Variants in CDKAL1 observed in about 807,000 individuals in gnomAD.
CDKAL1 encodes the protein CDKAL1 threonylcarbamoyladenosine tRNA methylthiotransferase, also known as threonylcarbamoyladenosine tRNA methylthiotransferase.
A neutral mutation model predicts 68.2 loss-of-function variants in CDKAL1; 32 were observed. The ratio of observed to expected loss-of-function variants is 0.47; its 90% CI spans 0.35 to 0.63. The LOEUF (loss-of-function observed/expected upper bound fraction) is 0.63, where lower values mean the gene tolerates loss of function less well. Ranked by LOEUF, CDKAL1 falls within the 30% of genes least tolerant of loss-of-function variation. CDKAL1 has a pLI of 0.00. For missense variants in CDKAL1, 606 were observed against 696.7 expected, an observed-to-expected ratio of 0.87 and a Z score of 1.47; for synonymous variants, 234 against 244.3, an observed-to-expected ratio of 0.96 and a Z score of 0.39.
At chr6:21,017,637 C>T (rs778065571) in intron 11 of CDKAL1, among the ~76,000 whole-genome samples, 1 of 152,230 alleles carries the variant, frequency 6.6e-6, no homozygotes, top group South Asian at 2.1e-4. Context: ...ACTCAAAATA[C>T]GTATTGCCTT....
At chr6:20,559,510 T>G (rs1431401225) in intron 4 of CDKAL1, 2 of 152,202 alleles carry the variant, frequency 1.3e-5, no homozygotes, top group Non-Finnish European at 2.9e-5. Context: ...TTGTTGTCTT[T>G]CTTGTGAACT....
intron 6 of CDKAL1, among the ~76,000 whole-genome samples, chr6:20,743,222 T>A (rs1221134313): frequency 1.3e-5 from 2 of 152,170 alleles, no homozygotes; most frequent in African/African-American, 4.8e-5. Context: ...ATTTCTATGA[T>A]GGGAGGATGT....
At chr6:20,868,719 C>T (rs1760036172) in intron 9 of CDKAL1, among the ~76,000 whole-genome samples, 1 of 152,186 alleles carries the variant, frequency 6.6e-6, no homozygotes, top group Non-Finnish European at 1.5e-5. Context: ...GGCATGATGT[C>T]ATCCTTATCA....
At chr6:20,601,770 C>T (rs534978646) in intron 4 of CDKAL1, among the ~76,000 whole-genome samples, 38 of 152,210 alleles carry the variant, frequency 2.5e-4, no homozygotes, top group African/African-American at 7.5e-4. Context: ...AACCGAGGCC[C>T]GCAGAGATTG....
chr6:20,658,139 AG>A lies in CDKAL1; in HGVS notation c.371+8764del, dbSNP rs553818628. Among the ~76,000 whole-genome samples the A allele has an allele frequency of 1.4e-3, 208 of 152,338 alleles. 1 individual carries two copies. The highest frequency in any genetic ancestry group is 3.4e-3 in the Middle Eastern group (1 of 294). On this transcript the variant is annotated intron_variant, in intron 5 of 15. Transcript: ENST00000274695. ...GTGGGATCTTTTCCATGCCACCTACAGGAGGTCATTCAGAGGCTGGTGAAAA... is the reference window on the plus strand; with the variant it reads ...GTGGGATCTTTTCCATGCCACCTACAGAGGTCATTCAGAGGCTGGTGAAAA...
intron 11 of CDKAL1, among the ~76,000 whole-genome samples, chr6:21,017,638 G>A (rs34894804): frequency 0.096 from 14,582 of 152,132 alleles, 970 homozygotes; most frequent in Non-Finnish European, 0.14. Context: ...CTCAAAATAC[G>A]TATTGCCTTC....
chr6:21,103,560 C>T (rs1773695822), intron 12 of CDKAL1, among the ~76,000 whole-genome samples: 1 of 152,006 alleles, frequency 6.6e-6, no homozygotes, highest in South Asian at 2.1e-4. Flanking sequence ...GAAGTTTTAC[C>T]AAACATGCAT....
Position 20,728,874 on chromosome 6 carries a change from T to A in CDKAL1, c.372-10645T>A, listed in dbSNP as rs114441831. Among the ~76,000 whole-genome samples the A allele has an allele frequency of 4.2e-3, 636 of 152,336 alleles. 9 individuals carry two copies. Among genetic ancestry groups the A allele is most frequent in the African/African-American group, 0.015 (605 of 41,576 alleles). ...TTTTCTTTTCTTTTCTTTCTTTTTT[T>A]ATTTTTTTTGACCAAAAATGATTTG... On this transcript the variant is annotated intron_variant, in intron 5 of 15. Coordinates refer to ENST00000274695, the MANE Select transcript of CDKAL1 (RefSeq NM_017774.3).
intron 11 of CDKAL1, among the ~76,000 whole-genome samples, chr6:21,006,651 T>C (rs1000328374): frequency 8.5e-5 from 13 of 152,344 alleles, no homozygotes; most frequent in African/African-American, 3.1e-4. Flanking sequence ...TTTACTTTTT[T>C]TTCCTTCTCC....
At position 20,609,260 on chromosome 6, in the gene CDKAL1, C is replaced by CTTCTTCCTCCTTCCTT. The variant is rs1554162603; in HGVS notation, c.287-40033_287-40032insTTCTTCCTCCTTCCTT. ...TCTTCCTTCCTTCTTCTTCCTCCTTCCTTCCTCCTCCTTCTCCTCCTTCTC... is the reference window on the plus strand; with the variant it reads ...TCTTCCTTCCTTCTTCTTCCTCCTTCTTCTTCCTCCTTCCTTCTTCCTCCTCCTTCTCCTCCTTCTC... On this transcript the variant is annotated intron_variant, in intron 4 of 15. Coordinates refer to ENST00000274695, the MANE Select transcript of CDKAL1 (RefSeq NM_017774.3). Among the ~76,000 whole-genome samples, 936 of 120,592 alleles carry CTTCTTCCTCCTTCCTT rather than the reference C, an allele frequency of 7.8e-3. 14 individuals are homozygous for CTTCTTCCTCCTTCCTT. The highest frequency in any genetic ancestry group is 0.023 in the African/African-American group (850 of 36,532). The allele number at this position is 120,592 out of a possible 152,430, so 79.1% of individuals were successfully genotyped here. A position where few individuals can be genotyped will look rare whatever the true frequency, so the allele number is the denominator to read the frequency against.
At chr6:20,913,138 C>CAT (rs1469945513) in intron 9 of CDKAL1, among the ~76,000 whole-genome samples, 5 of 149,692 alleles carry the variant, frequency 3.3e-5, no homozygotes, top group Non-Finnish European at 5.9e-5. Flanking sequence ...CACACACACA[C>CAT]ACACACACAC....
intron 5 of CDKAL1, among the ~76,000 whole-genome samples, chr6:20,685,758 T>C (rs1271435197): frequency 2.0e-5 from 3 of 152,198 alleles, no homozygotes; most frequent in African/African-American, 4.8e-5. Flanking sequence ...TGCTAGTTCT[T>C]AAAACGTTTT....
At chr6:21,075,441 G>C (rs1358386661) in intron 12 of CDKAL1, among the ~76,000 whole-genome samples, 1 of 151,900 alleles carries the variant, frequency 6.6e-6, no homozygotes, top group East Asian at 1.9e-4. Context: ...TTTTGTATTT[G>C]TATAGGGGGA....
chr6:21,020,460 T>TTTTATTTA (rs1284463686), intron 11 of CDKAL1, among the ~76,000 whole-genome samples: 1 of 152,094 alleles, frequency 6.6e-6, no homozygotes. Flanking sequence ...GTCTTTTTTA[T>TTTTATTTA]TTTATTTATT....
chr6:21,049,657 A>G (rs1194274618), intron 11 of CDKAL1, among the ~76,000 whole-genome samples: 3 of 152,172 alleles, frequency 2.0e-5, no homozygotes, highest in Non-Finnish European at 4.4e-5. Flanking sequence ...AGGATAAAAA[A>G]CTTATTTAAC....
intron 10 of CDKAL1, among the ~76,000 whole-genome samples, chr6:20,975,729 G>A (rs756528952): frequency 3.3e-5 from 5 of 151,988 alleles, no homozygotes; most frequent in Admixed American, 1.3e-4. Context: ...TGCTTCCCAC[G>A]GATGTTAATA....
At chr6:21,105,215 T>C (rs1773788243) in intron 12 of CDKAL1, among the ~76,000 whole-genome samples, 1 of 152,200 alleles carries the variant, frequency 6.6e-6, no homozygotes, top group Admixed American at 6.5e-5. Flanking sequence ...TCAAAGCAGA[T>C]TCCAAGGCTC....
chr6:20,765,871 A>C (rs1467639048), intron 7 of CDKAL1, among the ~76,000 whole-genome samples: 1 of 152,214 alleles, frequency 6.6e-6, no homozygotes, highest in Non-Finnish European at 1.5e-5. Context: ...GTTTTTAGCT[A>C]CACACATACA....
chr6:20,558,946 G>A (rs1764163950), intron 4 of CDKAL1: 1 of 228,448 alleles, frequency 4.4e-6, no homozygotes, highest in African/African-American at 2.3e-5. Flanking sequence ...TGTTTTAAAA[G>A]GATGTTTAAT....
Sources: allele counts gnomAD v4.1 joint callset (sites outside exome capture counted in the v4.1 genomes callset), GRCh38; gene constraint gnomAD v4.1.1; transcripts MANE v1.5; gene names NCBI Gene and HGNC (gene_info 2026-07-23, HGNC 2026-07-21).